The following CADPS variants were observed in gnomAD, a reference collection of about 807,000 sequenced individuals.
CADPS encodes the protein calcium-dependent secretion activator 1.
CADPS carries 57 observed loss-of-function variants against 167.3 expected under a neutral mutation model. That is an observed-to-expected ratio of 0.34 (90% CI 0.28 to 0.42). The LOEUF (loss-of-function observed/expected upper bound fraction) is 0.42. CADPS is among the 20% of genes least tolerant of loss of function. CADPS has a pLI of 1.00. For missense variants in CADPS, 1,414 were observed against 1,738.1 expected, an observed-to-expected ratio of 0.81 and a Z score of 3.32; for synonymous variants, 676 against 635.3, an observed-to-expected ratio of 1.06 and a Z score of -0.96.
intron 9 of CADPS, among the ~76,000 whole-genome samples, chr3:62,559,664 T>G (rs2078803063): frequency 6.6e-6 from 1 of 152,110 alleles, no homozygotes; most frequent in Non-Finnish European, 1.5e-5. Context: ...CTGGCTAATT[T>G]TGTATTTTTA....
At position 62,513,487 on chromosome 3, in the gene CADPS, T is replaced by C. The variant is rs546717488; in HGVS notation, c.2582-719A>G. On this transcript the variant is annotated intron_variant, in intron 16 of 29. Transcript: ENST00000383710. Reference sequence around the variant, plus strand: ...GGCTGATAAAAAGTGACTGGACTTCTCACACTGGGTTTCACAGACAGAACC... The same window carrying C: ...GGCTGATAAAAAGTGACTGGACTTCCCACACTGGGTTTCACAGACAGAACC... 22 of 584,862 alleles carry C rather than the reference T, an allele frequency of 3.8e-5. No homozygotes were observed. In the African/African-American group the frequency reaches 3.8e-4, roughly 10 times the overall value. 36.2% of individuals were successfully genotyped at this position (584,862 alleles called of 1,614,324 possible).
intron 3 of CADPS, among the ~76,000 whole-genome samples, chr3:62,747,928 G>A (rs1575789487): frequency 6.6e-6 from 1 of 151,992 alleles, no homozygotes; most frequent in Admixed American, 6.6e-5. Flanking sequence ...AGAGCAGAAT[G>A]GAAACATCGA....
intron 6 of CADPS, among the ~76,000 whole-genome samples, chr3:62,612,830 A>G (rs2061684961): frequency 6.6e-6 from 1 of 152,182 alleles, no homozygotes; most frequent in African/African-American, 2.4e-5. Context: ...TCATCCATTC[A>G]TCCATTCACC....
At chr3:62,591,723 G>T (rs2086084459) in intron 7 of CADPS, among the ~76,000 whole-genome samples, 5 of 152,148 alleles carry the variant, frequency 3.3e-5, no homozygotes, top group Admixed American at 3.3e-4. Flanking sequence ...TATCTCTGTG[G>T]TTTTTAAGGG....
At chr3:62,521,443 A>T (rs2070559253) in intron 13 of CADPS, among the ~76,000 whole-genome samples, 2 of 152,182 alleles carry the variant, frequency 1.3e-5, no homozygotes, top group African/African-American at 4.8e-5. Context: ...GTAGAGCTAT[A>T]TTGGTATCTT....
intron 1 of CADPS, among the ~76,000 whole-genome samples, chr3:62,873,788 G>C (rs1369171620): frequency 6.6e-6 from 1 of 152,104 alleles, no homozygotes; most frequent in Admixed American, 6.5e-5. Flanking sequence ...GAAGGTGGCG[G>C]CGAAGTCACC....
chr3:62,641,230 C>T (rs1579413685), intron 6 of CADPS, among the ~76,000 whole-genome samples: 1 of 152,122 alleles, frequency 6.6e-6, no homozygotes, highest in South Asian at 2.1e-4. Flanking sequence ...GATGCTGTTG[C>T]CTGCAGAAGG....
At position 62,601,602 on chromosome 3, in the gene CADPS, T is replaced by C. The variant is rs62242460; in HGVS notation, c.1326-8854A>G. ...TTCATGGAGCTCTTTCTAGCACTCT[T>C]AGTTTATTAGAAAATTGGGGCTTGT... On this transcript the variant is annotated intron_variant, in intron 6 of 29. Transcript: ENST00000383710. The surrounding 1 kb of genome is among the most constrained non-coding windows in gnomAD (Gnocchi z 4.3). Among the ~76,000 whole-genome samples, 31,566 of 152,182 alleles carry C rather than the reference T, an allele frequency of 0.21. 4,318 individuals are homozygous for C. The highest frequency in any genetic ancestry group is 0.29 in the Non-Finnish European group (19,948 of 67,974).
At chr3:62,541,926 A>C (rs2075761498) in intron 11 of CADPS, among the ~76,000 whole-genome samples, 1 of 152,200 alleles carries the variant, frequency 6.6e-6, no homozygotes, top group Non-Finnish European at 1.5e-5. Context: ...TCTAGCAAAT[A>C]AATGTAATTT....
intron 3 of CADPS, among the ~76,000 whole-genome samples, chr3:62,668,599 T>C (rs2074928844): frequency 6.6e-6 from 1 of 152,204 alleles, no homozygotes; most frequent in African/African-American, 2.4e-5. Context: ...TCTCTCCTTA[T>C]AATGATGCAC....
chr3:62,790,061 A>T (rs1260824261), intron 1 of CADPS, among the ~76,000 whole-genome samples: 1 of 152,208 alleles, frequency 6.6e-6, no homozygotes, highest in African/African-American at 2.4e-5. Context: ...AATTTTCATC[A>T]GAAGGCTTAA....
At chr3:62,801,183 A>G (rs1317826611) in intron 1 of CADPS, among the ~76,000 whole-genome samples, 1 of 152,160 alleles carries the variant, frequency 6.6e-6, no homozygotes, top group African/African-American at 2.4e-5. Flanking sequence ...CACTAGTGAA[A>G]TATGTGCTTA....
intron 1 of CADPS, among the ~76,000 whole-genome samples, chr3:62,852,037 G>T (rs1240009081): frequency 1.4e-5 from 2 of 146,014 alleles, no homozygotes; most frequent in Non-Finnish European, 3.0e-5. Context: ...ATCTTCCATT[G>T]CTGATACCCT....
chr3:62,771,067 ACT>A (rs2088583869), intron 1 of CADPS, among the ~76,000 whole-genome samples: 1 of 152,202 alleles, frequency 6.6e-6, no homozygotes, highest in African/African-American at 2.4e-5. Context: ...AATTATACCT[ACT>A]TTTCATTATC....
At chr3:62,714,515 G>A (rs2084035502) in intron 3 of CADPS, among the ~76,000 whole-genome samples, 1 of 152,170 alleles carries the variant, frequency 6.6e-6, no homozygotes, top group South Asian at 2.1e-4. Context: ...AGACATGAGG[G>A]TGGGGAGCAG....
At chr3:62,687,426 G>T (rs746547753) in intron 3 of CADPS, among the ~76,000 whole-genome samples, 1 of 152,024 alleles carries the variant, frequency 6.6e-6, no homozygotes, top group Non-Finnish European at 1.5e-5. Flanking sequence ...ACAGCCAGGG[G>T]CATTTTATTG....
intron 5 of CADPS, among the ~76,000 whole-genome samples, chr3:62,649,566 T>C (rs2069515681): frequency 7.3e-6 from 1 of 136,366 alleles, no homozygotes; most frequent in African/African-American, 2.8e-5. Context: ...TTTTTTTTTT[T>C]TTTTTTTTTT....
At chr3:62,443,745 C>A (rs903939639) in intron 27 of CADPS, among the ~76,000 whole-genome samples, 1 of 152,094 alleles carries the variant, frequency 6.6e-6, no homozygotes, top group Admixed American at 6.5e-5. Flanking sequence ...CCAGGCATGC[C>A]GAACTGTGAG....
chr3:62,418,256 G>A (rs992276520), intron 28 of CADPS, among the ~76,000 whole-genome samples: 2 of 148,222 alleles, frequency 1.3e-5, no homozygotes, highest in Non-Finnish European at 3.0e-5. Context: ...TATTTTTCCT[G>A]TTTCTGAGCC....
Sources: allele counts gnomAD v4.1 joint callset (sites outside exome capture counted in the v4.1 genomes callset), GRCh38; gene constraint gnomAD v4.1.1; non-coding constraint Gnocchi (gnomAD v3.1); transcripts MANE v1.5; gene names NCBI Gene and HGNC (gene_info 2026-07-23, HGNC 2026-07-21).